GRIK1: variants seen among roughly 807,000 people sequenced by gnomAD.
The protein encoded by GRIK1 is glutamate receptor ionotropic, kainate 1.
In GRIK1, 69 loss-of-function variants were observed where a neutral mutation model predicts 105.7. The observed-to-expected ratio is 0.65, with a 90% CI of 0.54 to 0.80. GRIK1 has a LOEUF of 0.80. Ranked by LOEUF, GRIK1 falls within the 30% of genes least tolerant of loss-of-function variation. The pLI is 0.00. For synonymous variants in GRIK1, 438 were observed against 431.3 expected (o/e 1.02, Z -0.19); for missense variants, 1,109 against 1,167.3 (o/e 0.95, Z 0.73).
At chr21:29,820,167 CACA>C (rs2067260676) in intron 1 of GRIK1, among the ~76,000 whole-genome samples, 1 of 152,082 alleles carries the variant, frequency 6.6e-6, no homozygotes, top group Non-Finnish European at 1.5e-5. Flanking sequence ...CCCCATGGGA[CACA>C]ACATTTATTA....
intron 1 of GRIK1, among the ~76,000 whole-genome samples, chr21:29,867,944 G>A (rs60779211): frequency 2.1e-5 from 3 of 145,800 alleles, no homozygotes; most frequent in Non-Finnish European, 3.0e-5. Context: ...GAAAGAGAGA[G>A]AGAAAGAGAG....
intron 1 of GRIK1, among the ~76,000 whole-genome samples, chr21:29,867,884 GAA>G (rs1491159238): frequency 6.7e-4 from 10 of 15,024 alleles, no homozygotes; most frequent in Middle Eastern, 0.024. Flanking sequence ...GAAAGAGAGA[GAA>G]AGAGAGAGAG....
intron 6 of GRIK1, among the ~76,000 whole-genome samples, chr21:29,650,294 G>A (rs1006454531): frequency 1.3e-5 from 2 of 152,130 alleles, no homozygotes; most frequent in Admixed American, 6.5e-5. Context: ...GCGAGAGTGC[G>A]TCTCCCGATG....
At chr21:29,921,287 A>G (rs1217076142) in intron 1 of GRIK1, among the ~76,000 whole-genome samples, 1 of 152,162 alleles carries the variant, frequency 6.6e-6, no homozygotes, top group African/African-American at 2.4e-5. Context: ...TATAAGTGTA[A>G]TGGAAAGGGT....
chr21:29,745,705 G>A (rs143687905), intron 1 of GRIK1, among the ~76,000 whole-genome samples: 59 of 152,226 alleles, frequency 3.9e-4, no homozygotes, highest in East Asian at 7.7e-4. Context: ...TATTTTGTGC[G>A]TCCTTGACAG....
chr21:29,561,892 A>AAAAAT (rs1424657891), intron 14 of GRIK1, 43 bp from the exon 15 acceptor site: 7 of 1,147,114 alleles, frequency 6.1e-6, no homozygotes, highest in Middle Eastern at 1.9e-4. Context: ...AGAGGGCTGG[A>AAAAAT]AAAATACGAC....
At chr21:29,872,213 A>ATTT (rs2069041039) in intron 1 of GRIK1, among the ~76,000 whole-genome samples, 1 of 65,454 alleles carries the variant, frequency 1.5e-5, no homozygotes, top group Non-Finnish European at 3.2e-5. Flanking sequence ...TTTTTTTTTG[A>ATTT]GACGGAGTCT....
In GRIK1 at chr21:29,707,426, C is replaced by CCCTT. The variant is rs1568997510; in HGVS notation, c.119-13367_119-13364dup. Among the ~76,000 whole-genome samples, 110 of 38,774 alleles carry CCCTT rather than the reference C, an allele frequency of 2.8e-3. 2 individuals are homozygous for CCCTT. The highest frequency in any genetic ancestry group is 8.2e-3 in the African/African-American group (102 of 12,514). The allele number at this position is 38,774 out of a possible 152,430, so 25.4% of individuals were successfully genotyped here. On this transcript the variant is annotated intron_variant, in intron 1 of 17. Coordinates refer to ENST00000327783, the MANE Select transcript of GRIK1 (RefSeq NM_001330994.2). ...TCTATCCGGCTTTCTTTCTTTCTTT[C>CCCTT]CCTTCCTCCCTCCCTCCCTCCCTCC...
At chr21:29,779,914 GA>G (rs774842144) in intron 1 of GRIK1, among the ~76,000 whole-genome samples, 18 of 151,740 alleles carry the variant, frequency 1.2e-4, no homozygotes, top group African/African-American at 4.1e-4. Context: ...CAAGTGCAAA[GA>G]AAAAAAACCC....
intron 1 of GRIK1, among the ~76,000 whole-genome samples, chr21:29,754,431 TA>T (rs2065283272): frequency 6.6e-6 from 1 of 152,190 alleles, no homozygotes; most frequent in Admixed American, 6.5e-5. Context: ...TAGAGCCAAA[TA>T]ATCACGTGTT....
chr21:29,920,082 A>T (rs909335256), intron 1 of GRIK1, among the ~76,000 whole-genome samples: 19 of 152,060 alleles, frequency 1.2e-4, no homozygotes, highest in Admixed American at 7.2e-4. Flanking sequence ...AAATATTTTG[A>T]ATGTTTTTTT....
intron 1 of GRIK1, among the ~76,000 whole-genome samples, chr21:29,844,942 CA>C (rs1345109216): frequency 1.3e-5 from 2 of 152,128 alleles, no homozygotes; most frequent in African/African-American, 4.8e-5. Flanking sequence ...GAGAGTATAA[CA>C]TTCTTTTTCT....
intron 7 of GRIK1, among the ~76,000 whole-genome samples, chr21:29,609,823 T>C (rs1457600394): frequency 2.0e-5 from 3 of 152,290 alleles, no homozygotes; most frequent in Middle Eastern, 3.4e-3. Flanking sequence ...TCTGTCACCA[T>C]AATTGAATGA....
chr21:29,908,040 C>T (rs405334), intron 1 of GRIK1, among the ~76,000 whole-genome samples: 33,481 of 151,778 alleles, frequency 0.22, 4,207 homozygotes, highest in African/African-American at 0.34. Flanking sequence ...TCCCATTGGT[C>T]TTGTTAAATA....
At chr21:29,781,433 A>G (rs1328664862) in intron 1 of GRIK1, among the ~76,000 whole-genome samples, 1 of 152,030 alleles carries the variant, frequency 6.6e-6, no homozygotes, top group South Asian at 2.1e-4. Context: ...CCTCTTTATA[A>G]ATACGTACCT....
At chr21:29,668,898 A>G (rs2063110697) in intron 4 of GRIK1, among the ~76,000 whole-genome samples, 3 of 152,322 alleles carry the variant, frequency 2.0e-5, no homozygotes, top group South Asian at 2.1e-4. Flanking sequence ...TGGTTTCCAC[A>G]TTGAAGGCAG....
intron 1 of GRIK1, among the ~76,000 whole-genome samples, chr21:29,796,583 G>A (rs963819213): frequency 2.6e-5 from 4 of 152,036 alleles, no homozygotes; most frequent in African/African-American, 9.7e-5. Flanking sequence ...TATAAGAAGT[G>A]CAGCGTATCT....
chr21:29,750,716 C>G (rs896407318), intron 1 of GRIK1, among the ~76,000 whole-genome samples: 3 of 152,030 alleles, frequency 2.0e-5, no homozygotes, highest in African/African-American at 7.3e-5. Flanking sequence ...GAGTCAGGCT[C>G]TCTTATAGAT....
intron 1 of GRIK1, among the ~76,000 whole-genome samples, chr21:29,739,073 TTGC>T (rs1185456162): frequency 6.6e-6 from 1 of 152,188 alleles, no homozygotes; most frequent in Non-Finnish European, 1.5e-5. Flanking sequence ...GTAGACCTAG[TTGC>T]TGCCTTCATG....
Sources: allele counts gnomAD v4.1 joint callset (sites outside exome capture counted in the v4.1 genomes callset), GRCh38; gene constraint gnomAD v4.1.1; transcripts MANE v1.5; gene names NCBI Gene and HGNC (gene_info 2026-07-23, HGNC 2026-07-21).